EYA1: variants seen among roughly 807,000 people sequenced by gnomAD.
EYA1 encodes the protein protein phosphatase EYA1.
Under a neutral mutation model 82.0 loss-of-function variants are expected in EYA1, and 16 were observed. The observed-to-expected ratio is 0.20, with a 90% CI of 0.13 to 0.30. The LOEUF (loss-of-function observed/expected upper bound fraction) is 0.30. Among genes scored for constraint, EYA1 ranks in the 10% least tolerant of loss-of-function variants. EYA1 has a pLI of 1.00. For missense variants in EYA1, 633 were observed against 730.7 expected (o/e 0.87, Z 1.54); for synonymous variants, 261 against 264.4 (o/e 0.99, Z 0.12).
At chr8:71,284,579 TATA>T (rs1256609783) in intron 9 of EYA1, among the ~76,000 whole-genome samples, 2 of 152,252 alleles carry the variant, frequency 1.3e-5, no homozygotes, top group Non-Finnish European at 2.9e-5. Context: ...TAAAGTGTTT[TATA>T]CAAGTGTATT....
chr8:71,490,209 T>G (rs1810891209), intron 2 of EYA1, among the ~76,000 whole-genome samples: 1 of 152,246 alleles, frequency 6.6e-6, no homozygotes, highest in African/African-American at 2.4e-5. Context: ...ATAAAAGTTG[T>G]GGGTGACCTT....
intron 17 of EYA1, among the ~76,000 whole-genome samples, chr8:71,202,280 CATAAAGT>C (rs538960714): frequency 8.1e-4 from 123 of 151,978 alleles, no homozygotes; most frequent in Non-Finnish European, 1.6e-3. Flanking sequence ...TTCTTTGGTA[CATAAAGT>C]ATAAAGTGGG....
chr8:71,515,051 T>G (rs112651278), intron 2 of EYA1, among the ~76,000 whole-genome samples: 8 of 152,190 alleles, frequency 5.3e-5, no homozygotes, highest in Non-Finnish European at 7.4e-5. Flanking sequence ...TCCTTCCTGG[T>G]GGCAAGGTTG....
At chr8:71,202,098 C>T (rs564555143) in intron 17 of EYA1, among the ~76,000 whole-genome samples, 1 of 152,272 alleles carries the variant, frequency 6.6e-6, no homozygotes, top group East Asian at 1.9e-4. Flanking sequence ...CAGGTTCAGT[C>T]AAATTCTTTT....
At chr8:71,413,235 A>AT (rs1325720470) in intron 2 of EYA1, among the ~76,000 whole-genome samples, 2 of 152,208 alleles carry the variant, frequency 1.3e-5, no homozygotes, top group African/African-American at 4.8e-5. Flanking sequence ...AAGCATCCAT[A>AT]TGGTGGTGGT....
chr8:71,392,173 T>C lies in EYA1; in HGVS notation c.34-35662A>G, dbSNP rs534583467. Among the ~76,000 whole-genome samples, 4 of 152,272 alleles carry C rather than the reference T, an allele frequency of 2.6e-5. No individual in the cohort carries two copies. In the South Asian group the frequency reaches 8.3e-4, roughly 32 times the overall value. On this transcript the variant is annotated intron_variant, in intron 2 of 18. Coordinates refer to the EYA1 transcript ENST00000643681. ...TCTCTAAGTTTTAGTGGAGGGAACC[T>C]TCTGCTCCCACAGCTTCCCCAGTGG...
At chr8:71,216,399 C>T (rs942061275) in intron 14 of EYA1, among the ~76,000 whole-genome samples, 24 of 152,138 alleles carry the variant, frequency 1.6e-4, no homozygotes, top group Non-Finnish European at 2.5e-4. Flanking sequence ...GCTAATTCTT[C>T]GAAGGATGCT....
chr8:71,373,225 A>C (rs926146491), intron 2 of EYA1, among the ~76,000 whole-genome samples: 1 of 152,116 alleles, frequency 6.6e-6, no homozygotes, highest in Admixed American at 6.5e-5. Context: ...ATATGATGCT[A>C]TATGTAGAAA....
chr8:71,500,646 G>A (rs998105388), intron 2 of EYA1, among the ~76,000 whole-genome samples: 7 of 152,006 alleles, frequency 4.6e-5, no homozygotes, highest in Non-Finnish European at 7.4e-5. Context: ...ACACAACTTC[G>A]ATCTTGATGT....
At chr8:71,326,778 TGA>T (rs1335776664) in intron 4 of EYA1, among the ~76,000 whole-genome samples, 6 of 152,176 alleles carry the variant, frequency 3.9e-5, no homozygotes, top group Admixed American at 1.3e-4. Context: ...TAGGAAGATG[TGA>T]ACTAACACAG....
chr8:71,375,296 A>G (rs1828309428), intron 2 of EYA1, among the ~76,000 whole-genome samples: 1 of 149,060 alleles, frequency 6.7e-6, no homozygotes, highest in African/African-American at 2.5e-5. Flanking sequence ...TGGGAATACT[A>G]CCTCATGCTA....
intron 3 of EYA1, among the ~76,000 whole-genome samples, chr8:71,347,813 A>G (rs1825889984): frequency 6.6e-6 from 1 of 151,512 alleles, no homozygotes; most frequent in African/African-American, 2.4e-5. Flanking sequence ...GAGTACATAA[A>G]CATACCTCTT....
At chr8:71,299,968 C>T (rs574440317) in intron 7 of EYA1, among the ~76,000 whole-genome samples, 1 of 152,240 alleles carries the variant, frequency 6.6e-6, no homozygotes, top group East Asian at 1.9e-4. Context: ...CAAAATAATA[C>T]ATTTGTGTAA....
intron 4 of EYA1, among the ~76,000 whole-genome samples, chr8:71,327,758 C>T (rs1823323925): frequency 6.6e-6 from 1 of 151,894 alleles, no homozygotes; most frequent in East Asian, 1.9e-4. Context: ...GTGGAGATAG[C>T]AATCACCAAC....
intron 2 of EYA1, among the ~76,000 whole-genome samples, chr8:71,502,524 T>C (rs960515041): frequency 2.0e-4 from 31 of 152,256 alleles, no homozygotes; most frequent in African/African-American, 7.2e-4. Context: ...TGCAGAATAA[T>C]TTTGAGTATA....
At chr8:71,211,771 G>A (rs1203760596) in intron 16 of EYA1, among the ~76,000 whole-genome samples, 1 of 152,122 alleles carries the variant, frequency 6.6e-6, no homozygotes, top group African/African-American at 2.4e-5. Context: ...GCAAACATCG[G>A]AATTAGCTTA....
chr8:71,413,791 A>C (rs1384039578), intron 2 of EYA1, among the ~76,000 whole-genome samples: 1 of 152,178 alleles, frequency 6.6e-6, no homozygotes, highest in Non-Finnish European at 1.5e-5. Flanking sequence ...CTCTTTGGTT[A>C]TGCAATTCTG....
At chr8:71,346,024 A>G (rs1201332366) in intron 3 of EYA1, among the ~76,000 whole-genome samples, 3 of 151,946 alleles carry the variant, frequency 2.0e-5, no homozygotes, top group Admixed American at 6.6e-5. Context: ...GTGCGCGCAC[A>G]CACACACACA....
intron 2 of EYA1, among the ~76,000 whole-genome samples, chr8:71,374,740 C>T (rs1488263073): frequency 6.6e-6 from 1 of 151,956 alleles, no homozygotes; most frequent in Non-Finnish European, 1.5e-5. Flanking sequence ...AATAGCCAAG[C>T]CATAGAAACA....
Sources: gnomAD v4.1 joint callset for allele counts (sites outside exome capture counted in the v4.1 genomes callset) on GRCh38, gnomAD v4.1.1 for gene constraint, MANE v1.5 for transcripts, NCBI Gene and HGNC (gene_info 2026-07-23, HGNC 2026-07-21) for gene names.